Variants in MECR observed in about 807,000 individuals in gnomAD.
The protein encoded by MECR is mitochondrial trans-2-enoyl-CoA reductase.
MECR carries 37 observed loss-of-function variants against 49.1 expected under a neutral mutation model. That is an observed-to-expected ratio of 0.75 (90% CI 0.58 to 0.99). The LOEUF is 0.99. Ranked by LOEUF, MECR falls within the 50% of genes least tolerant of loss-of-function variation. The pLI is 0.00. For synonymous variants in MECR, 198 were observed against 191.1 expected, an observed-to-expected ratio of 1.04 and a Z score of -0.30; for missense variants, 470 against 479.6, an observed-to-expected ratio of 0.98 and a Z score of 0.19.
intron 9 of MECR, among the ~76,000 whole-genome samples, chr1:29,195,714 C>T (rs906860552): frequency 9.8e-5 from 15 of 152,342 alleles, no homozygotes; most frequent in Non-Finnish European, 2.1e-4. Flanking sequence ...ACTGTCAGCT[C>T]TTCAGGACGG....
chr1:29,194,263 A>C (rs1037750834), intron 9 of MECR, 84 bp from the exon 10 acceptor site: 2 of 1,422,562 alleles, frequency 1.4e-6, no homozygotes, highest in Admixed American at 2.3e-5. Flanking sequence ...TATGGGCAGG[A>C]GCTGGCACCA....
chr1:29,170,361 C>G, the MECR span: 1 of 152,198 alleles, frequency 6.6e-6, no homozygotes, highest in Non-Finnish European at 1.5e-5. Flanking sequence ...AAGGTTTACA[C>G]TCTGCAGACA....
chr1:29,178,999 T>C, the MECR span, among the ~76,000 whole-genome samples: 79 of 152,304 alleles, frequency 5.2e-4, no homozygotes, highest in African/African-American at 1.4e-3. Context: ...TGACATTTCA[T>C]GCATATCATG....
the MECR span, among the ~76,000 whole-genome samples, chr1:29,178,720 C>G: frequency 1.3e-5 from 2 of 152,196 alleles, no homozygotes; most frequent in African/African-American, 4.8e-5. Flanking sequence ...ATCCACTGCC[C>G]TTCTGCTAGG....
At chr1:29,204,273 G>A (rs1460548351) in intron 4 of MECR, among the ~76,000 whole-genome samples, 1 of 152,056 alleles carries the variant, frequency 6.6e-6, no homozygotes, top group East Asian at 1.9e-4. Context: ...CCGGGAAAGT[G>A]CTTTGTTGAA....
chr1:29,207,989 A>G (rs1012289149), intron 3 of MECR, among the ~76,000 whole-genome samples: 1 of 150,326 alleles, frequency 6.7e-6, no homozygotes, highest in African/African-American at 2.4e-5. Flanking sequence ...GAGCAGGTTG[A>G]CTCACATGTT....
At position 29,226,608 on chromosome 1, in the gene MECR, T is replaced by G. The variant is rs990439807; in HGVS notation, c.176+4123A>C. On this transcript the variant is annotated intron_variant, in intron 1 of 9. Coordinates refer to ENST00000263702, the MANE Select transcript of MECR (RefSeq NM_016011.5). ...ATTTAAAAAAGTTTATTTGAAGAAA[T>G]CATTTGAGGTGACTGCTGTTGTTTC... 1.8e-4 allele frequency among the ~76,000 whole-genome samples: 27 copies of G among 152,262 alleles called. 1 individual carries two copies. The highest frequency in any genetic ancestry group is 1.0e-4 in the Non-Finnish European group (7 of 68,012).
chr1:29,215,590 G>C (rs1329885677), intron 3 of MECR, among the ~76,000 whole-genome samples: 1 of 151,400 alleles, frequency 6.6e-6, no homozygotes, highest in East Asian at 2.0e-4. Context: ...ACAAAACAAG[G>C]CCAAGCGTGG....
At position 29,193,512 on chromosome 1, in the gene MECR, G is replaced by C. The variant is rs17363069; in HGVS notation, c.*510C>G. ...GTTCCTCAGGGCCCTGATGACCTCA[G>C]CCTGGCATTCACTCTTCCATGCAGC... On this transcript the variant is annotated 3_prime_UTR_variant, in exon 10 of 10. Transcript: ENST00000263702. 13,428 of 157,468 alleles carry C rather than the reference G, an allele frequency of 0.085. 729 individuals carry two copies. Among genetic ancestry groups the C allele is most frequent in the Non-Finnish European group, 0.13 (9,325 of 70,930 alleles). The allele number at this position is 157,468 out of a possible 1,614,324, so 9.8% of individuals were successfully genotyped here. A position where few individuals can be genotyped will look rare whatever the true frequency, so the allele number is the denominator to read the frequency against.
chr1:29,190,497 T>G (rs1216869631), downstream of MECR, among the ~76,000 whole-genome samples: 1 of 150,854 alleles, frequency 6.6e-6, no homozygotes, highest in Non-Finnish European at 1.5e-5. Flanking sequence ...CTGCTATATT[T>G]TAAAGAGGTT....
At chr1:29,214,833 T>C (rs906612464) in intron 3 of MECR, among the ~76,000 whole-genome samples, 1 of 152,206 alleles carries the variant, frequency 6.6e-6, no homozygotes, top group Non-Finnish European at 1.5e-5. Flanking sequence ...TTATGTCCAA[T>C]GGATGGATAA....
intron 3 of MECR, among the ~76,000 whole-genome samples, chr1:29,213,269 C>T (rs1252681709): frequency 6.6e-6 from 1 of 152,278 alleles, no homozygotes; most frequent in Non-Finnish European, 1.5e-5. Flanking sequence ...TCCAGTGAAT[C>T]CTTGCAGCTC....
At chr1:29,221,808 G>A (rs1230529771) in intron 1 of MECR, among the ~76,000 whole-genome samples, 1 of 152,150 alleles carries the variant, frequency 6.6e-6, no homozygotes, top group Non-Finnish European at 1.5e-5. Context: ...ACTTATTCTG[G>A]GTGATTTCAC....
the MECR span, among the ~76,000 whole-genome samples, chr1:29,168,126 T>C: frequency 2.0e-5 from 3 of 151,872 alleles, no homozygotes; most frequent in African/African-American, 4.8e-5. Flanking sequence ...GCAATTCTTG[T>C]ACCTCAGCCT....
At chr1:29,173,130 CTTTTTTTTTTTTT>C in the MECR span, 7 of 78,558 alleles carry the variant, frequency 8.9e-5, no homozygotes, top group African/African-American at 2.6e-4. Context: ...GTCAAAAAGG[CTTTTTTTTTTTTT>C]TTTTTTTTTT....
chr1:29,209,759 G>C (rs567503922), intron 3 of MECR, among the ~76,000 whole-genome samples: 1 of 152,300 alleles, frequency 6.6e-6, no homozygotes, highest in East Asian at 1.9e-4. Context: ...GTCACCTTAG[G>C]GAAATTGCTT....
chr1:29,225,629 A>G (rs761793782), intron 1 of MECR, among the ~76,000 whole-genome samples: 5 of 152,152 alleles, frequency 3.3e-5, no homozygotes, highest in African/African-American at 4.8e-5. Context: ...CCAACTTACT[A>G]TATCAATGCC....
chr1:29,218,600 CG>C (rs1405547049), intron 1 of MECR, among the ~76,000 whole-genome samples: 12 of 152,130 alleles, frequency 7.9e-5, no homozygotes, highest in African/African-American at 2.9e-4. Context: ...TAGCTGGGCA[CG>C]GTGGCTCACG....
At position 29,196,232 on chromosome 1, in the gene MECR, C is replaced by G. The variant is rs1201106795; in HGVS notation, c.857G>C (p.Gly286Ala). The change falls in exon 8 of 10, where the codon GGG becomes GCG. Residue 286 changes from glycine to alanine, a missense_variant. By Grantham distance (60) the Gly-to-Ala change is moderately conservative (BLOSUM62 0). Coordinates refer to ENST00000263702, the MANE Select transcript of MECR (RefSeq NM_016011.5). Reference sequence around the variant, plus strand: ...TACGACGGGCTGCTTGGCCATCCCCCCATAGGTTACCATGGTTCCTCCACG... The same window carrying G: ...TACGACGGGCTGCTTGGCCATCCCCGCATAGGTTACCATGGTTCCTCCACG... The part of the protein sequence containing the change: ...LARGGTMVTY[G>A]GMAKQPVVAS... 4 of 1,613,644 alleles carry G rather than the reference C, an allele frequency of 2.5e-6. No individual in the cohort carries two copies. The highest frequency in any genetic ancestry group is 1.1e-5 in the South Asian group (1 of 91,062).
Sources: allele counts gnomAD v4.1 joint callset (sites outside exome capture counted in the v4.1 genomes callset), GRCh38; gene constraint gnomAD v4.1.1; transcripts MANE v1.5; gene names NCBI Gene and HGNC (gene_info 2026-07-23, HGNC 2026-07-21).